The following PTPRD variants were observed in gnomAD, a reference collection of about 807,000 sequenced individuals.
PTPRD encodes receptor-type tyrosine-protein phosphatase delta.
In PTPRD, 34 loss-of-function variants were observed where a neutral mutation model predicts 214.5. That is an observed-to-expected ratio of 0.16 (90% CI 0.12 to 0.21). The LOEUF (loss-of-function observed/expected upper bound fraction) is 0.21. Ranked by LOEUF, PTPRD falls within the 10% of genes least tolerant of loss-of-function variation. The probability of loss-of-function intolerance (pLI) is 1.00; values close to 1 mark genes in which losing one functional copy is unlikely to be tolerated. For missense variants in PTPRD, 2,545 were observed against 2,398.7 expected (o/e 1.06, Z -1.27); for synonymous variants, 1,128 against 845.7 (o/e 1.33, Z -5.79).
intron 11 of PTPRD, among the ~76,000 whole-genome samples, chr9:8,804,222 G>A (rs1013473627): frequency 5.9e-5 from 9 of 152,026 alleles, no homozygotes; most frequent in African/African-American, 2.2e-4. Flanking sequence ...CAAAGTGCAG[G>A]AATTACAAGC....
At chr9:10,230,808 T>C (rs2099606778) in intron 3 of PTPRD, among the ~76,000 whole-genome samples, 1 of 152,120 alleles carries the variant, frequency 6.6e-6, no homozygotes, top group African/African-American at 2.4e-5. Context: ...CTTATATGCA[T>C]TTATTTACTT....
chr9:9,744,213 G>A (rs1367298680), intron 6 of PTPRD, among the ~76,000 whole-genome samples: 14 of 151,994 alleles, frequency 9.2e-5, no homozygotes, highest in Admixed American at 9.2e-4. Flanking sequence ...ATATCGTCAA[G>A]GAGATTCGTG....
intron 5 of PTPRD, among the ~76,000 whole-genome samples, chr9:9,854,412 G>T (rs1171858130): frequency 6.6e-6 from 1 of 151,908 alleles, no homozygotes; most frequent in East Asian, 1.9e-4. Context: ...CAGAGTGAGG[G>T]TTGGGAAATA....
chr9:8,940,456 T>TTTTTA (rs2154294091), intron 11 of PTPRD, among the ~76,000 whole-genome samples: 1 of 135,840 alleles, frequency 7.4e-6, no homozygotes, highest in East Asian at 2.4e-4. Flanking sequence ...CTTTTTTTTT[T>TTTTTA]TTTTTTTGGT....
chr9:10,375,890 T>A (rs545213705), intron 2 of PTPRD, among the ~76,000 whole-genome samples: 1 of 152,186 alleles, frequency 6.6e-6, no homozygotes, highest in African/African-American at 2.4e-5. Flanking sequence ...TGCCCTATTT[T>A]GAATTTGCAT....
chr9:8,889,581 T>C (rs965738979), intron 11 of PTPRD, among the ~76,000 whole-genome samples: 19 of 152,298 alleles, frequency 1.2e-4, no homozygotes, highest in Middle Eastern at 3.4e-3. Context: ...GTGTACACTG[T>C]GCTCAATGTG....
chr9:9,283,638 T>C (rs994582774), intron 9 of PTPRD, among the ~76,000 whole-genome samples: 3 of 151,546 alleles, frequency 2.0e-5, no homozygotes, highest in Admixed American at 6.6e-5. Context: ...TTTGGTTCAA[T>C]TAAGTGAACT....
chr9:8,958,109 C>G (rs1019105794), intron 11 of PTPRD, among the ~76,000 whole-genome samples: 12 of 151,724 alleles, frequency 7.9e-5, no homozygotes, highest in Non-Finnish European at 1.3e-4. Flanking sequence ...CCTGAGAGAC[C>G]AGTCAAGATC....
chr9:9,223,227 T>A (rs1052365237), intron 9 of PTPRD, among the ~76,000 whole-genome samples: 2 of 151,858 alleles, frequency 1.3e-5, no homozygotes, highest in Admixed American at 1.3e-4. Flanking sequence ...GGAGGTGGCA[T>A]CAACATGTCA....
In PTPRD at chr9:8,460,695, T is replaced by A. The variant is rs2096373093; in HGVS notation, c.3715-124A>T. 10 of 909,334 alleles carry A rather than the reference T, an allele frequency of 1.1e-5. No homozygotes were observed. The South Asian group carries it at 2.0e-4, about 18-fold the overall frequency. 56.3% of individuals were successfully genotyped at this position (909,334 alleles called of 1,614,324 possible). On this transcript the variant is annotated intron_variant, in intron 32 of 45. Transcript: ENST00000381196. ...TTAATGATAAGTGTGTGATGCAATA[T>A]TAGCAAAACAGAGGGGAGGGGAGAG... is the stretch of plus-strand genomic sequence containing the variant.
intron 3 of PTPRD, among the ~76,000 whole-genome samples, chr9:10,141,838 C>T (rs1215096712): frequency 6.6e-6 from 1 of 152,142 alleles, no homozygotes; most frequent in Non-Finnish European, 1.5e-5. Flanking sequence ...ATCACACTAC[C>T]TGACTTCAAA....
Position 8,643,140 on chromosome 9 carries a change from A to C in PTPRD, c.65-6296T>G, listed in dbSNP as rs528718230. Among the ~76,000 whole-genome samples the C allele has an allele frequency of 5.1e-4, 77 of 152,322 alleles. 1 individual carries two copies. Among genetic ancestry groups the C allele is most frequent in the African/African-American group, 1.8e-3 (75 of 41,574 alleles). On this transcript the variant is annotated intron_variant, in intron 12 of 45. Transcript: ENST00000381196. ...GTATTTCTTTTTAAATACAGCTCCC[A>C]AAACCACCTGTTAGTTTTAAAATTT...
intron 10 of PTPRD, among the ~76,000 whole-genome samples, chr9:9,071,554 G>A (rs73432213): frequency 0.011 from 1,666 of 152,248 alleles, 28 homozygotes; most frequent in African/African-American, 0.038. Flanking sequence ...ACTATGGATG[G>A]CCTCTGGTCC....
chr9:9,476,598 G>T (rs977086323), intron 8 of PTPRD, among the ~76,000 whole-genome samples: 1 of 152,014 alleles, frequency 6.6e-6, no homozygotes, highest in Non-Finnish European at 1.5e-5. Context: ...CTAGCATGTG[G>T]CCTCTATAAT....
chr9:10,415,410 A>G (rs1019959168), intron 2 of PTPRD, among the ~76,000 whole-genome samples: 21 of 151,904 alleles, frequency 1.4e-4, no homozygotes, highest in African/African-American at 5.1e-4. Context: ...TTATTATTCA[A>G]CAAGTTATGG....
At chr9:8,955,400 C>A (rs148630885) in intron 11 of PTPRD, among the ~76,000 whole-genome samples, 1 of 151,634 alleles carries the variant, frequency 6.6e-6, no homozygotes, top group South Asian at 2.1e-4. Context: ...ACTATAAGCT[C>A]GTAGACTCAA....
intron 9 of PTPRD, among the ~76,000 whole-genome samples, chr9:9,371,579 A>AT: frequency 6.6e-6 from 1 of 151,934 alleles, no homozygotes; most frequent in Non-Finnish European, 1.5e-5. Flanking sequence ...GGATTCATTG[A>AT]TTTTTTGAAG....
intron 11 of PTPRD, among the ~76,000 whole-genome samples, chr9:8,862,491 A>G (rs2098124945): frequency 6.6e-6 from 1 of 152,212 alleles, no homozygotes; most frequent in African/African-American, 2.4e-5. Context: ...GTAACATTGC[A>G]TGCTTAGGTG....
chr9:9,433,700 C>T (rs768820797), intron 8 of PTPRD, among the ~76,000 whole-genome samples: 5 of 152,104 alleles, frequency 3.3e-5, no homozygotes, highest in African/African-American at 7.2e-5. Context: ...TCTGAAAAAT[C>T]ATCTTCTTGA....
Sources: gnomAD v4.1 joint callset for allele counts (sites outside exome capture counted in the v4.1 genomes callset) on GRCh38, gnomAD v4.1.1 for gene constraint, MANE v1.5 for transcripts, NCBI Gene and HGNC (gene_info 2026-07-23, HGNC 2026-07-21) for gene names.